Variants in NEBL observed in about 807,000 individuals in gnomAD.
The protein encoded by NEBL is LIM and SH3 protein 2.
In NEBL, 122 loss-of-function variants were observed where a neutral mutation model predicts 140.2. The ratio of observed to expected loss-of-function variants is 0.87; its 90% CI spans 0.75 to 1.01. The LOEUF (loss-of-function observed/expected upper bound fraction) is 1.01. NEBL is among the 50% of genes least tolerant of loss of function. The pLI, the probability that NEBL is intolerant of heterozygous loss-of-function variation, is 0.00. For missense variants in NEBL, 1,365 were observed against 1,231.3 expected (o/e 1.11, Z -1.62); for synonymous variants, 436 against 398.9 (o/e 1.09, Z -1.11).
chr10:20,881,896 A>T (rs542952463), intron 4 of NEBL, among the ~76,000 whole-genome samples: 1 of 152,228 alleles, frequency 6.6e-6, no homozygotes, highest in Non-Finnish European at 1.5e-5. Flanking sequence ...GAATTACTTG[A>T]CATGAGAAAA....
At chr10:21,290,586 G>C (rs1392884327) in intron 1 of NEBL, among the ~76,000 whole-genome samples, 1 of 152,158 alleles carries the variant, frequency 6.6e-6, no homozygotes, top group Non-Finnish European at 1.5e-5. Context: ...ACAATGTTCA[G>C]ACAAACTTTT....
chr10:20,784,573 A>G lies in NEBL; in HGVS notation c.*1174T>C, dbSNP rs1303661822. The stretch of plus-strand genomic sequence containing the variant: ...TAGATTTCCATTCCAGAATTTGAAT[A>G]CCATTTTCCAAAAGAAGATACCAGA... On this transcript the variant is annotated 3_prime_UTR_variant, in exon 28 of 28. Transcript: ENST00000377122. The G allele has an allele frequency of 1.3e-5, 2 of 152,192 alleles. No individual in the cohort carries two copies. Among genetic ancestry groups the G allele is most frequent in the Non-Finnish European group, 2.9e-5 (2 of 68,036 alleles). 9.4% of individuals were successfully genotyped at this position (152,192 alleles called of 1,614,324 possible). A position where few individuals can be genotyped will look rare whatever the true frequency, so the allele number is the denominator to read the frequency against.
intron 4 of NEBL, among the ~76,000 whole-genome samples, chr10:20,923,960 T>C (rs1442626618): frequency 2.6e-5 from 4 of 152,016 alleles, no homozygotes; most frequent in Non-Finnish European, 4.4e-5. Context: ...TTCATCTGGG[T>C]GTCTTCTAGT....
chr10:21,109,918 T>C (rs966238669), intron 2 of NEBL, among the ~76,000 whole-genome samples: 3 of 152,260 alleles, frequency 2.0e-5, no homozygotes, highest in East Asian at 1.9e-4. Context: ...GTCCAGCTAG[T>C]GGTCTATCTA....
chr10:20,880,094 G>A (rs1463455178), intron 5 of NEBL, among the ~76,000 whole-genome samples: 2 of 152,198 alleles, frequency 1.3e-5, no homozygotes, highest in Non-Finnish European at 2.9e-5. Flanking sequence ...CAGGCACGGT[G>A]GCTCGTGCCT....
chr10:20,963,003 AACACACACACACACAC>A (rs35031266), intron 3 of NEBL, among the ~76,000 whole-genome samples: 70 of 143,312 alleles, frequency 4.9e-4, no homozygotes, highest in African/African-American at 1.7e-3. Flanking sequence ...TTGAAAGAAA[AACACACACACACACAC>A]ACACACACAC....
chr10:20,867,601 T>C (rs557030598), intron 7 of NEBL, among the ~76,000 whole-genome samples: 3 of 152,266 alleles, frequency 2.0e-5, no homozygotes, highest in African/African-American at 7.2e-5. Flanking sequence ...TCTGTTATCC[T>C]TATGTAGTAT....
intron 3 of NEBL, among the ~76,000 whole-genome samples, chr10:20,993,948 C>CGA (rs1837568600): frequency 6.6e-6 from 1 of 152,130 alleles, no homozygotes; most frequent in African/African-American, 2.4e-5. Flanking sequence ...CCAAGGGCAC[C>CGA]GCACATTACT....
chr10:20,932,418 G>A (rs962079844), intron 4 of NEBL, among the ~76,000 whole-genome samples: 2 of 152,038 alleles, frequency 1.3e-5, no homozygotes, highest in African/African-American at 4.8e-5. Context: ...AGGGCCTGGG[G>A]CTGGGGGGTG....
At chr10:20,931,965 G>C (rs185640107) in intron 4 of NEBL, among the ~76,000 whole-genome samples, 2 of 152,114 alleles carry the variant, frequency 1.3e-5, no homozygotes, top group East Asian at 1.9e-4. Flanking sequence ...TCCTTCCCTG[G>C]TCTTCCTCAT....
At position 21,195,559 on chromosome 10, in the gene NEBL, G is replaced by A. The variant is rs191383311; in HGVS notation, n.349-23082C>T. Among the ~76,000 whole-genome samples the A allele has an allele frequency of 2.6e-5, 4 of 152,252 alleles. No individual in the cohort carries two copies. In the East Asian group the frequency reaches 7.7e-4, roughly 29 times the overall value. ...ATGAGACAGGTGCTTTCAATGACTG[G>A]CTAAATACTGGATGTCAGCCATTTA... On this transcript the variant is annotated intron_variant and non_coding_transcript_variant, in intron 3 of 8. Coordinates refer to the NEBL transcript ENST00000675702.
chr10:20,882,917 CT>C (rs2131330239), intron 4 of NEBL, among the ~76,000 whole-genome samples: 1 of 152,266 alleles, frequency 6.6e-6, no homozygotes, highest in African/African-American at 2.4e-5. Flanking sequence ...CTATCTCCCC[CT>C]AGCTGCGTCT....
In NEBL at chr10:21,272,569, G is replaced by T. The variant is rs1842872867; in HGVS notation, n.182+20261C>A. Among the ~76,000 whole-genome samples the T allele has an allele frequency of 2.6e-5, 4 of 152,102 alleles. No individual in the cohort carries two copies. In the South Asian group the frequency reaches 8.3e-4, roughly 32 times the overall value. On this transcript the variant is annotated intron_variant and non_coding_transcript_variant, in intron 1 of 8. Transcript: ENST00000675702. ...ACACCACTGCACTCCAGCCTGGGCA[G>T]CAGAGCAAGACCATGTCAAATAAAT... is the stretch of plus-strand genomic sequence containing the variant.
intron 1 of NEBL, among the ~76,000 whole-genome samples, chr10:21,284,443 T>A (rs1182928457): frequency 1.3e-5 from 2 of 150,176 alleles, no homozygotes; most frequent in South Asian, 4.3e-4. Flanking sequence ...TCCATTGATA[T>A]GCAGCAAGCA....
intron 4 of NEBL, among the ~76,000 whole-genome samples, chr10:20,921,560 T>C (rs1329424636): frequency 6.6e-6 from 1 of 152,190 alleles, no homozygotes; most frequent in Non-Finnish European, 1.5e-5. Context: ...ACAATTCCAG[T>C]TCTCCATGGG....
chr10:20,961,269 C>G (rs1836038248), intron 4 of NEBL, among the ~76,000 whole-genome samples: 1 of 152,132 alleles, frequency 6.6e-6, no homozygotes, highest in African/African-American at 2.4e-5. Flanking sequence ...CAACAAATAT[C>G]TAATTCAAAA....
chr10:21,102,373 G>T (rs925454482), intron 2 of NEBL, among the ~76,000 whole-genome samples: 2 of 152,128 alleles, frequency 1.3e-5, no homozygotes, highest in African/African-American at 4.8e-5. Flanking sequence ...CAAGATAATG[G>T]ACGTTTTCAT....
intron 2 of NEBL, chr10:21,172,277 C>A: frequency 1.1e-6 from 1 of 878,660 alleles, no homozygotes; most frequent in Non-Finnish European, 1.9e-6. Context: ...CTGGCCCCTG[C>A]CACACCTGGG....
intron 3 of NEBL, among the ~76,000 whole-genome samples, chr10:21,205,392 T>C (rs1841809215): frequency 6.6e-6 from 1 of 152,160 alleles, no homozygotes; most frequent in Admixed American, 6.5e-5. Flanking sequence ...GTATATAATG[T>C]CAAAAATAAG....
Sources: gnomAD v4.1 joint callset for allele counts (sites outside exome capture counted in the v4.1 genomes callset) on GRCh38, gnomAD v4.1.1 for gene constraint, MANE v1.5 for transcripts, NCBI Gene and HGNC (gene_info 2026-07-23, HGNC 2026-07-21) for gene names.